SRBD1: variants seen among roughly 807,000 people sequenced by gnomAD.
The protein encoded by SRBD1 is S1 RNA binding domain 1, also known as S1 RNA-binding domain-containing protein 1.
In SRBD1, 88 loss-of-function variants were observed where a neutral mutation model predicts 115.3. The ratio of observed to expected loss-of-function variants is 0.76; its 90% CI spans 0.64 to 0.91. SRBD1 has a LOEUF of 0.91. Among genes scored for constraint, SRBD1 ranks in the 40% least tolerant of loss-of-function variants. The pLI, the probability that SRBD1 is intolerant of heterozygous loss-of-function variation, is 0.00. For synonymous variants in SRBD1, 509 were observed against 407.7 expected, an observed-to-expected ratio of 1.25 and a Z score of -2.99; for missense variants, 1,385 against 1,177.4, an observed-to-expected ratio of 1.18 and a Z score of -2.58.
rs1046801696 is a variant in SRBD1, at chr2:45,546,411, G to A, written c.1874+321C>T. 1.5e-5 allele frequency: 13 copies of A among 890,184 alleles called. No individual in the cohort carries two copies. The Admixed American group carries it at 6.2e-4, about 42-fold the overall frequency. 55.1% of individuals were successfully genotyped at this position (890,184 alleles called of 1,614,324 possible). ...TCACAGTCTACTAGCTGCTAGCCTGGTACATCATTCTACTTATTATTCAAT... is the reference window on the plus strand; with the variant it reads ...TCACAGTCTACTAGCTGCTAGCCTGATACATCATTCTACTTATTATTCAAT... On this transcript the variant is annotated intron_variant, in intron 14 of 20. Coordinates refer to ENST00000263736, the MANE Select transcript of SRBD1 (RefSeq NM_018079.5).
intron 16 of SRBD1, among the ~76,000 whole-genome samples, chr2:45,426,349 G>C (rs986229426): frequency 6.6e-6 from 1 of 152,350 alleles, no homozygotes; most frequent in African/African-American, 2.4e-5. Flanking sequence ...AGCAGGCCCA[G>C]TCAGGGGCTT....
At chr2:45,438,569 G>T (rs1012808558) in intron 16 of SRBD1, among the ~76,000 whole-genome samples, 3 of 152,160 alleles carry the variant, frequency 2.0e-5, no homozygotes, top group Non-Finnish European at 4.4e-5. Context: ...AAGAAATACA[G>T]CATCTGAAAT....
rs1051039598 is a variant in SRBD1, at chr2:45,488,230, A to G, written c.1966+10T>C. The G allele has an allele frequency of 1.2e-6, 2 of 1,611,000 alleles. No individual in the cohort carries two copies. The highest frequency in any genetic ancestry group is 1.7e-6 in the Non-Finnish European group (2 of 1,177,546). On this transcript the variant is annotated intron_variant, in intron 15 of 20. Coordinates refer to ENST00000263736, the MANE Select transcript of SRBD1 (RefSeq NM_018079.5). ...ATCACATGTTTTTGTGATGGTCCAT[A>G]GTTTCTTACCTGCACTTCTCAAATT...
intron 7 of SRBD1, 145 bp downstream of exon 7, chr2:45,579,730 G>T: frequency 1.0e-6 from 1 of 995,986 alleles, no homozygotes; most frequent in Non-Finnish European, 1.3e-6. Flanking sequence ...CAATAGGTAT[G>T]TCAGGATTTA....
rs376408972 is a variant in SRBD1, at chr2:45,413,098, T to C, written c.2513+16A>G. Reference sequence around the variant, plus strand: ...ACTCTGCATATGGAGAATTCCCACATGGGCCTCAGACTTACCTCATTGCTA... The same window carrying C: ...ACTCTGCATATGGAGAATTCCCACACGGGCCTCAGACTTACCTCATTGCTA... On this transcript the variant is annotated intron_variant, in intron 19 of 20. Coordinates refer to ENST00000263736, the MANE Select transcript of SRBD1 (RefSeq NM_018079.5). 9.4e-6 allele frequency: 15 copies of C among 1,603,934 alleles called. No homozygotes were observed. The highest frequency in any genetic ancestry group is 1.3e-5 in the African/African-American group (1 of 74,538).
intron 16 of SRBD1, among the ~76,000 whole-genome samples, chr2:45,465,322 T>C (rs1268449959): frequency 2.6e-5 from 4 of 152,124 alleles, no homozygotes; most frequent in African/African-American, 7.2e-5. Flanking sequence ...ATCCTTTTTT[T>C]CCTCTCAATA....
At chr2:45,556,915 T>C (rs899940370) in intron 10 of SRBD1, among the ~76,000 whole-genome samples, 1 of 152,088 alleles carries the variant, frequency 6.6e-6, no homozygotes, top group South Asian at 2.1e-4. Context: ...TCTATGTAAG[T>C]TTTTGCTGCT....
intron 16 of SRBD1, among the ~76,000 whole-genome samples, chr2:45,450,171 AGTT>A (rs1668950929): frequency 6.6e-6 from 1 of 152,190 alleles, no homozygotes; most frequent in Non-Finnish European, 1.5e-5. Context: ...ATACAAGAAA[AGTT>A]GGCCATTTGA....
At chr2:45,602,110 C>T (rs1213490091) in intron 2 of SRBD1, 27 bp from the exon 3 acceptor site, 4 of 1,568,090 alleles carry the variant, frequency 2.6e-6, no homozygotes. Context: ...AGAATAATCT[C>T]CAGGAAAAAT....
chr2:45,594,566 G>T (rs1558501794), intron 4 of SRBD1, among the ~76,000 whole-genome samples: 1 of 152,210 alleles, frequency 6.6e-6, no homozygotes, highest in East Asian at 1.9e-4. Flanking sequence ...GGGAGAAAGG[G>T]CTGAAAAGGA....
intron 16 of SRBD1, among the ~76,000 whole-genome samples, chr2:45,449,535 T>G (rs889263173): frequency 1.3e-5 from 2 of 152,214 alleles, no homozygotes; most frequent in Non-Finnish European, 2.9e-5. Context: ...TCTGAAATCC[T>G]GGATATGTAT....
At chr2:45,417,093 T>C (rs1233747334) in intron 18 of SRBD1, among the ~76,000 whole-genome samples, 1 of 152,188 alleles carries the variant, frequency 6.6e-6, no homozygotes, top group Non-Finnish European at 1.5e-5. Context: ...AAAAACAGAA[T>C]CATTTTATCT....
intron 5 of SRBD1, among the ~76,000 whole-genome samples, chr2:45,582,022 A>C (rs1673380537): frequency 6.6e-6 from 1 of 152,216 alleles, no homozygotes; most frequent in African/African-American, 2.4e-5. Flanking sequence ...AATAACCATC[A>C]TTATCAGGTA....
At chr2:45,460,945 C>T (rs1053495207) in intron 16 of SRBD1, among the ~76,000 whole-genome samples, 1 of 152,192 alleles carries the variant, frequency 6.6e-6, no homozygotes, top group Non-Finnish European at 1.5e-5. Context: ...AAAGTAGATA[C>T]AAAGTCACCA....
intron 14 of SRBD1, among the ~76,000 whole-genome samples, chr2:45,496,787 A>C (rs1291811688): frequency 6.6e-6 from 1 of 152,102 alleles, no homozygotes; most frequent in Non-Finnish European, 1.5e-5. Flanking sequence ...TATCCAGTCA[A>C]AGGAGACCCT....
chr2:45,573,087 T>C (rs1162783136), intron 9 of SRBD1, 120 bp downstream of exon 9: 4 of 1,132,708 alleles, frequency 3.5e-6, no homozygotes, highest in Admixed American at 3.4e-5. Flanking sequence ...TAAGAATTTA[T>C]ATAAAGAAAA....
At chr2:45,533,719 A>T (rs1242908211) in intron 14 of SRBD1, among the ~76,000 whole-genome samples, 1 of 152,060 alleles carries the variant, frequency 6.6e-6, no homozygotes, top group Non-Finnish European at 1.5e-5. Context: ...GTTATCAAAA[A>T]CACTGATACA....
In SRBD1 at chr2:45,581,628, T is replaced by C. The variant is rs929464415; in HGVS notation, c.933+65A>G. On this transcript the variant is annotated intron_variant, in intron 6 of 20. Coordinates refer to ENST00000263736, the MANE Select transcript of SRBD1 (RefSeq NM_018079.5). ...CTTTTTATTTCTTGGTGTTCTTTAA[T>C]CATAAGAAGACCCAAATTGCAATAT... 2.5e-6 allele frequency: 3 copies of C among 1,207,664 alleles called. No individual in the cohort carries two copies. The African/African-American group carries it at 4.6e-5, about 18-fold the overall frequency. The allele number at this position is 1,207,664 out of a possible 1,614,324, so 74.8% of individuals were successfully genotyped here.
intron 6 of SRBD1, among the ~76,000 whole-genome samples, chr2:45,580,803 G>A (rs1244958496): frequency 3.5e-5 from 5 of 144,046 alleles, no homozygotes; most frequent in Admixed American, 2.2e-4. Context: ...CTCCGCCTCA[G>A]CCACCTGAGT....
Sources: allele counts gnomAD v4.1 joint callset (sites outside exome capture counted in the v4.1 genomes callset), GRCh38; gene constraint gnomAD v4.1.1; transcripts MANE v1.5; gene names NCBI Gene and HGNC (gene_info 2026-07-23, HGNC 2026-07-21).